Variants in ADAMTS17 observed in about 807,000 individuals in gnomAD.
ADAMTS17 encodes the protein ADAM metallopeptidase with thrombospondin type 1 motif 17.
ADAMTS17 carries 113 observed loss-of-function variants against 141.5 expected under a neutral mutation model. The observed-to-expected ratio is 0.80, with a 90% CI of 0.69 to 0.93. The LOEUF (loss-of-function observed/expected upper bound fraction) is 0.93. ADAMTS17 is among the 40% of genes least tolerant of loss of function. ADAMTS17 has a pLI of 0.00. For missense variants in ADAMTS17, 1,659 were observed against 1,517.9 expected (o/e 1.09, Z -1.54); for synonymous variants, 768 against 630.6 (o/e 1.22, Z -3.27).
intron 20 of ADAMTS17, among the ~76,000 whole-genome samples, chr15:99,981,831 C>T (rs1051369594): frequency 7.9e-5 from 12 of 152,174 alleles, no homozygotes; most frequent in Non-Finnish European, 1.8e-4. Context: ...CTGGTGTAAC[C>T]TGCTGGTGGC....
chr15:100,116,634 C>G (rs1425075807), intron 13 of ADAMTS17, among the ~76,000 whole-genome samples: 1 of 152,252 alleles, frequency 6.6e-6, no homozygotes, highest in Non-Finnish European at 1.5e-5. Flanking sequence ...CTGCCTGCTT[C>G]AACAGCTGCA....
At chr15:100,253,317 G>C (rs919160933) in intron 7 of ADAMTS17, among the ~76,000 whole-genome samples, 2 of 140,028 alleles carry the variant, frequency 1.4e-5, no homozygotes, top group Non-Finnish European at 3.0e-5. Context: ...CTGAGGACGG[G>C]AGAGAAAGGA....
At chr15:100,189,437 T>C (rs1277920010) in intron 8 of ADAMTS17, among the ~76,000 whole-genome samples, 1 of 152,212 alleles carries the variant, frequency 6.6e-6, no homozygotes, top group East Asian at 1.9e-4. Context: ...CTGACATCCC[T>C]GGGTCATCAC....
rs73485916 is a variant in ADAMTS17, at chr15:100,306,586, A to T, written c.616+24303T>A. The T allele has an allele frequency of 8.0e-3, 3,633 of 455,954 alleles. 123 individuals are homozygous for T. Among genetic ancestry groups the T allele is most frequent in the African/African-American group, 0.065 (3,277 of 50,146 alleles). 28.2% of individuals were successfully genotyped at this position (455,954 alleles called of 1,614,324 possible). On this transcript the variant is annotated intron_variant, in intron 3 of 21. Transcript: ENST00000268070. The stretch of plus-strand genomic sequence containing the variant: ...GCCCAGACACTGTGGAACTGAGAAA[A>T]GCTATGTCCACCGTGCCTTGTCAAA...
chr15:100,114,227 A>T (rs1439965164), intron 13 of ADAMTS17, among the ~76,000 whole-genome samples: 1 of 151,586 alleles, frequency 6.6e-6, no homozygotes, highest in African/African-American at 2.4e-5. Context: ...CCTTCTTTTG[A>T]ACTGTGCGTC....
intron 3 of ADAMTS17, chr15:100,306,693 C>T (rs10902570): frequency 0.65 from 267,479 of 412,502 alleles, 89,220 homozygotes; most frequent in African/African-American, 0.84. Context: ...CGTGCAGCAA[C>T]AGGGACTGAG....
intron 15 of ADAMTS17, among the ~76,000 whole-genome samples, chr15:100,060,909 G>C (rs527803150): frequency 2.8e-4 from 42 of 152,362 alleles, no homozygotes; most frequent in African/African-American, 9.4e-4. Flanking sequence ...CCCGAGTGGA[G>C]ACAAGGCCTT....
intron 10 of ADAMTS17, among the ~76,000 whole-genome samples, chr15:100,144,442 T>C (rs1237016304): frequency 6.6e-6 from 1 of 151,948 alleles, no homozygotes; most frequent in African/African-American, 2.4e-5. Flanking sequence ...CCCAGCTTCT[T>C]GTGAGGCTGA....
chr15:100,214,517 A>C (rs1367372408), intron 7 of ADAMTS17, among the ~76,000 whole-genome samples: 1 of 152,178 alleles, frequency 6.6e-6, no homozygotes, highest in Non-Finnish European at 1.5e-5. Flanking sequence ...TTAATTAAAA[A>C]AGTATAATAA....
chr15:100,215,970 C>T lies in ADAMTS17; in HGVS notation c.1076-16547G>A, dbSNP rs539733550. 7.2e-5 allele frequency among the ~76,000 whole-genome samples: 11 copies of T among 152,316 alleles called. No individual in the cohort carries two copies. In the South Asian group the frequency reaches 2.3e-3, roughly 32 times the overall value. On this transcript the variant is annotated intron_variant, in intron 7 of 21. Transcript: ENST00000268070. ...CTGTTCCTAACATATCCTCAGCTCC[C>T]TTGGCCATTCTTGGGAATGTAAGCC... is the stretch of plus-strand genomic sequence containing the variant.
intron 4 of ADAMTS17, among the ~76,000 whole-genome samples, chr15:100,278,615 TA>T (rs2044180541): frequency 2.6e-5 from 4 of 151,914 alleles, no homozygotes; most frequent in Admixed American, 2.6e-4. Context: ...CAGAGCACAA[TA>T]GGGGTGAGGG....
At chr15:100,297,444 G>A (rs780886048) in intron 3 of ADAMTS17, among the ~76,000 whole-genome samples, 18 of 152,116 alleles carry the variant, frequency 1.2e-4, no homozygotes, top group Non-Finnish European at 1.8e-4. Flanking sequence ...AGGTGAAAAC[G>A]GACAATATCT....
chr15:100,186,700 G>A (rs761310167), intron 8 of ADAMTS17, among the ~76,000 whole-genome samples: 5 of 152,182 alleles, frequency 3.3e-5, no homozygotes, highest in Non-Finnish European at 7.3e-5. Context: ...GCAGTATCCA[G>A]CTCACAGTTC....
chr15:100,219,901 C>G (rs1036007932), intron 7 of ADAMTS17, among the ~76,000 whole-genome samples: 11 of 152,144 alleles, frequency 7.2e-5, no homozygotes, highest in Non-Finnish European at 1.5e-4. Flanking sequence ...TTCTTTATAA[C>G]AAGTTTTAAA....
intron 4 of ADAMTS17, among the ~76,000 whole-genome samples, chr15:100,280,023 T>C (rs2142073811): frequency 6.6e-6 from 1 of 152,248 alleles, no homozygotes; most frequent in East Asian, 1.9e-4. Context: ...ATGGGCTGTC[T>C]TTGGACAGCT....
chr15:100,293,578 AG>A (rs1277159237), intron 3 of ADAMTS17, among the ~76,000 whole-genome samples: 1 of 152,200 alleles, frequency 6.6e-6, no homozygotes, highest in African/African-American at 2.4e-5. Flanking sequence ...AGTGTGCCCC[AG>A]GATCCCCCAG....
intron 13 of ADAMTS17, among the ~76,000 whole-genome samples, chr15:100,114,515 G>T (rs1439250638): frequency 6.6e-6 from 1 of 152,178 alleles, no homozygotes; most frequent in African/African-American, 2.4e-5. Flanking sequence ...AACTGCAGAT[G>T]CAAGAAGTCA....
chr15:99,997,291 A>G lies in ADAMTS17; in HGVS notation c.2796+94T>C. 2 of 1,423,688 alleles carry G rather than the reference A, an allele frequency of 1.4e-6. No homozygotes were observed. Among genetic ancestry groups the G allele is most frequent in the Non-Finnish European group, 2.0e-6 (2 of 1,014,656 alleles). The allele number at this position is 1,423,688 out of a possible 1,614,324, so 88.2% of individuals were successfully genotyped here. On this transcript the variant is annotated intron_variant, in intron 19 of 21. Coordinates refer to ENST00000268070, the MANE Select transcript of ADAMTS17 (RefSeq NM_139057.4). This position sits in a 1 kb window ranked among gnomAD's most constrained non-coding sequence, Gnocchi z 4.7. ...ACAACTTCAAGCTGACCTGGGGGCG[A>G]GCGAGGGCTGGGAGGCACCAGAATG...
chr15:100,042,802 C>T (rs1596288883), intron 18 of ADAMTS17, among the ~76,000 whole-genome samples: 1 of 152,306 alleles, frequency 6.6e-6, no homozygotes, highest in East Asian at 1.9e-4. Context: ...CTACTCAGAA[C>T]AGCAAGCAAC....
Sources: allele counts gnomAD v4.1 joint callset (sites outside exome capture counted in the v4.1 genomes callset), GRCh38; gene constraint gnomAD v4.1.1; non-coding constraint Gnocchi (gnomAD v3.1); transcripts MANE v1.5; gene names NCBI Gene and HGNC (gene_info 2026-07-23, HGNC 2026-07-21).